The following DCAF5 variants were observed in gnomAD, a reference collection of about 807,000 sequenced individuals.
DCAF5 encodes DDB1- and CUL4-associated factor 5.
In DCAF5, 9 loss-of-function variants were observed where a neutral mutation model predicts 80.7. The observed-to-expected ratio is 0.11, with a 90% CI of 0.07 to 0.19. The LOEUF (loss-of-function observed/expected upper bound fraction) is 0.19. Ranked by LOEUF, DCAF5 falls within the 10% of genes least tolerant of loss-of-function variation. DCAF5 has a pLI of 1.00. For synonymous variants in DCAF5, 433 were observed against 461.9 expected, an observed-to-expected ratio of 0.94 and a Z score of 0.80; for missense variants, 842 against 1,205.7, an observed-to-expected ratio of 0.70 and a Z score of 4.47.
intron 6 of DCAF5, chr14:69,090,190 G>T (rs1378159133): frequency 1.2e-6 from 1 of 814,352 alleles, no homozygotes; most frequent in Non-Finnish European, 1.5e-6. Flanking sequence ...AAAAAAGGAA[G>T]AGAGGGAGAG....
At position 69,112,493 on chromosome 14, in the gene DCAF5, G is replaced by A. The variant is rs528180748; in HGVS notation, c.665+3873C>T. ...CTCATGCCTATAATTCCATCTACTC[G>A]GGAGGCTGAGGCCTAGGCAACATAG... On this transcript the variant is annotated intron_variant, in intron 5 of 8. Transcript: ENST00000341516. Among the ~76,000 whole-genome samples the A allele has an allele frequency of 7.2e-5, 11 of 151,882 alleles. No homozygotes were observed. In the East Asian group the frequency reaches 1.9e-3, roughly 27 times the overall value.
intron 5 of DCAF5, among the ~76,000 whole-genome samples, chr14:69,113,077 G>A (rs372413849): frequency 5.3e-5 from 8 of 152,158 alleles, no homozygotes; most frequent in East Asian, 1.9e-4. Context: ...GGCAGCAGTG[G>A]GACAAAAATG....
At chr14:69,151,202 AAGAT>A (rs1198066131) in intron 1 of DCAF5, among the ~76,000 whole-genome samples, 4 of 152,168 alleles carry the variant, frequency 2.6e-5, no homozygotes, top group Non-Finnish European at 5.9e-5. Flanking sequence ...TTTTGTCTGA[AAGAT>A]CAGGTTTCTT....
rs931664059 is a variant in DCAF5 at position 69,054,927 on chromosome 14, T to C, written c.1759A>G (p.Met587Val). The change falls in exon 9 of 9, where the codon ATG becomes GTG. Residue 587 changes from methionine (M) to valine (V), a missense_variant. Physicochemically the swap from Met to Val is conservative, Grantham distance 21. This residue lies in a region of DCAF5 where 607 missense variants were observed against 656.6 expected (regional missense o/e 0.92). Transcript: ENST00000341516. ...CGGGTTGTCTTCTGTCGGCGCCGCA[T>C]GGCATTCCGCTGCCAGGTAGAGGCT... ...RRASTWQRNAMRRRQKTTRED... is the reference protein window; with the variant it reads ...RRASTWQRNAVRRRQKTTRED... The C allele has an allele frequency of 1.2e-6, 2 of 1,614,122 alleles. No homozygotes were observed. The highest frequency in any genetic ancestry group is 1.3e-5 in the African/African-American group (1 of 74,940).
intron 6 of DCAF5, 130 bp from the exon 7 acceptor site, chr14:69,075,541 G>A: frequency 2.5e-6 from 1 of 403,522 alleles, no homozygotes; most frequent in Non-Finnish European, 3.8e-6. Flanking sequence ...GAATACAGTG[G>A]TGCAATCTCG....
Position 69,153,073 on chromosome 14 carries a change from C to T in DCAF5, c.-95G>A. 9.9e-7 allele frequency: 1 copy of T among 1,005,208 alleles called. No individual in the cohort carries two copies. Among genetic ancestry groups the T allele is most frequent in the Non-Finnish European group, 1.4e-6 (1 of 739,310 alleles). The allele number at this position is 1,005,208 out of a possible 1,614,324, so 62.3% of individuals were successfully genotyped here. ...CCCACCCGGCCCTCCCCCCGCGCTG[C>T]GATCCGGATGGTTCTTTAACCAGCC... On this transcript the variant is annotated 5_prime_UTR_variant, in exon 1 of 9. Coordinates refer to ENST00000341516, the MANE Select transcript of DCAF5 (RefSeq NM_003861.3).
intron 7 of DCAF5, among the ~76,000 whole-genome samples, chr14:69,073,191 C>T (rs774407921): frequency 3.8e-4 from 58 of 152,076 alleles, no homozygotes; most frequent in Non-Finnish European, 7.1e-4. Flanking sequence ...TTTTAAGGAA[C>T]TACTAAATAA....
At chr14:69,085,353 C>T in intron 6 of DCAF5, 1 of 660,634 alleles carries the variant, frequency 1.5e-6, no homozygotes, top group Non-Finnish European at 2.9e-6. Flanking sequence ...AACATATTAG[C>T]AAGCAAACAT....
rs566490422 is a variant in DCAF5, at chr14:69,144,545, C to G, written c.214+8220G>C. Among the ~76,000 whole-genome samples, 211 of 151,708 alleles carry G rather than the reference C, an allele frequency of 1.4e-3. 5 individuals are homozygous for G. In the South Asian group the frequency reaches 0.028, roughly 20 times the overall value. On this transcript the variant is annotated intron_variant, in intron 1 of 8. Transcript: ENST00000341516. The stretch of plus-strand genomic sequence containing the variant: ...CGAGATCGCACCACGCCACTGCACT[C>G]CAGCCGGGGCGACAGAGCGAGACTC...
At chr14:69,087,429 C>T (rs1375332271) in intron 6 of DCAF5, among the ~76,000 whole-genome samples, 2 of 152,062 alleles carry the variant, frequency 1.3e-5, no homozygotes, top group East Asian at 1.9e-4. Context: ...TGCCAGAGTC[C>T]GCACTATATT....
chr14:69,128,087 T>C lies in DCAF5; in HGVS notation c.215-5727A>G, dbSNP rs79163231. The stretch of plus-strand genomic sequence containing the variant: ...ATGTCTGGAATTTCCTTTAAAACTT[T>C]CCAGAAAAAAAAGTAGAGGGATAGA... On this transcript the variant is annotated intron_variant, in intron 1 of 8. Transcript: ENST00000341516. Among the ~76,000 whole-genome samples, 332 of 152,122 alleles carry C rather than the reference T, an allele frequency of 2.2e-3. 3 individuals carry two copies. The highest frequency in any genetic ancestry group is 7.5e-3 in the African/African-American group (310 of 41,514).
chr14:69,123,516 A>AAT (rs553627537), intron 1 of DCAF5, among the ~76,000 whole-genome samples: 5 of 151,892 alleles, frequency 3.3e-5, no homozygotes, highest in African/African-American at 7.2e-5. Context: ...ATGGTGGTAA[A>AAT]ATATATATAT....
At chr14:69,088,695 T>C (rs1440132128) in intron 6 of DCAF5, among the ~76,000 whole-genome samples, 2 of 152,350 alleles carry the variant, frequency 1.3e-5, no homozygotes, top group East Asian at 3.9e-4. Flanking sequence ...CTGGGATGGT[T>C]ACCCAGCCTA....
At chr14:69,060,884 A>T (rs1224183465) in intron 8 of DCAF5, among the ~76,000 whole-genome samples, 2 of 152,174 alleles carry the variant, frequency 1.3e-5, no homozygotes, top group African/African-American at 2.4e-5. Flanking sequence ...AATTTGATTT[A>T]GCTCTGGATA....
At chr14:69,101,067 T>C (rs1026676003) in intron 5 of DCAF5, among the ~76,000 whole-genome samples, 1 of 152,248 alleles carries the variant, frequency 6.6e-6, no homozygotes, top group Non-Finnish European at 1.5e-5. Flanking sequence ...AACATCAACC[T>C]ATGTTACACT....
chr14:69,103,308 T>C (rs1236007262), intron 5 of DCAF5, among the ~76,000 whole-genome samples: 3 of 152,206 alleles, frequency 2.0e-5, no homozygotes. Flanking sequence ...TATAAACTCA[T>C]AATACTCACT....
In DCAF5 at chr14:69,122,312, T is replaced by A. The variant is rs1440663272; in HGVS notation, c.263A>T (p.His88Leu). The A allele has an allele frequency of 1.2e-6, 2 of 1,613,432 alleles. No individual in the cohort carries two copies. The highest frequency in any genetic ancestry group is 1.7e-5 in the Admixed American group (1 of 59,990). Reference protein sequence around the residue: ...VLLWHMEQAIHSRVKPIQLKG... With the variant: ...VLLWHMEQAILSRVKPIQLKG... ...CAGCTGTATGGGCTTGACCCTGGAG[T>A]GGATGGCTTGTTCCATGTGCCATAG... Residue 88 changes from histidine to leucine, a missense_variant, in exon 2 of 9, where the codon CAC becomes CTC. Coordinates refer to ENST00000341516, the MANE Select transcript of DCAF5 (RefSeq NM_003861.3).
At chr14:69,122,843 A>G (rs1457568616) in intron 1 of DCAF5, among the ~76,000 whole-genome samples, 1 of 148,112 alleles carries the variant, frequency 6.8e-6, no homozygotes, top group Non-Finnish European at 1.5e-5. Context: ...CATACAAATG[A>G]TAACTAAGAA....
At chr14:69,104,326 C>T (rs1388332315) in intron 5 of DCAF5, among the ~76,000 whole-genome samples, 1 of 152,026 alleles carries the variant, frequency 6.6e-6, no homozygotes, top group Admixed American at 6.6e-5. Flanking sequence ...GATAACTAGG[C>T]ATTTTTAATT....
Sources: gnomAD v4.1 joint callset for allele counts (sites outside exome capture counted in the v4.1 genomes callset) on GRCh38, gnomAD v4.1.1 for gene constraint, gnomAD v4.1.1 regional missense constraint, MANE v1.5 for transcripts, NCBI Gene and HGNC (gene_info 2026-07-23, HGNC 2026-07-21) for gene names.